ITPRID1: variants seen among roughly 807,000 people sequenced by gnomAD.
ITPRID1 encodes the protein ITPR interacting domain containing 1.
In ITPRID1, 96 loss-of-function variants were observed where a neutral mutation model predicts 95.4. The observed-to-expected ratio is 1.01, with a 90% confidence interval of 0.85 to 1.19. The LOEUF is 1.19. Among genes scored for constraint, ITPRID1 ranks in the 50% most tolerant of loss-of-function variants. The probability of loss-of-function intolerance (pLI) is 0.00; values close to 1 mark genes in which losing one functional copy is unlikely to be tolerated. For missense variants in ITPRID1, 1,339 were observed against 1,252.9 expected (o/e 1.07, Z -1.04); for synonymous variants, 510 against 453.6 (o/e 1.12, Z -1.58).
At chr7:31,537,299 C>T (rs1783793383) in intron 1 of ITPRID1, among the ~76,000 whole-genome samples, 1 of 152,042 alleles carries the variant, frequency 6.6e-6, no homozygotes, top group African/African-American at 2.4e-5. Context: ...GTATTAGACA[C>T]CCCACAATTG....
intron 12 of ITPRID1, among the ~76,000 whole-genome samples, chr7:31,650,930 A>G (rs1790886642): frequency 1.3e-5 from 2 of 152,062 alleles, no homozygotes; most frequent in African/African-American, 2.4e-5. Context: ...AGGCCACCCA[A>G]CAACAGCTGC....
downstream of ITPRID1, among the ~76,000 whole-genome samples, chr7:31,657,345 A>G (rs546036089): frequency 1.8e-4 from 28 of 152,218 alleles, no homozygotes; most frequent in Non-Finnish European, 3.7e-4. Context: ...AGTCCACCAG[A>G]GGAGTCCTGC....
intron 10 of ITPRID1, among the ~76,000 whole-genome samples, chr7:31,588,644 T>TAAAAAAAAAAAAAAA (rs1785728973): frequency 8.3e-5 from 2 of 24,122 alleles, no homozygotes; most frequent in Non-Finnish European, 9.7e-5. Context: ...AAAAAAAAAT[T>TAAAAAAAAAAAAAAA]AGAAGTCTTA....
chr7:31,564,140 G>A (rs368432367), intron 5 of ITPRID1, among the ~76,000 whole-genome samples: 1 of 152,170 alleles, frequency 6.6e-6, no homozygotes, highest in African/African-American at 2.4e-5. Context: ...AGCCAATAAA[G>A]GTGCTAATTA....
chr7:31,639,382 TC>T (rs1345208233), intron 10 of ITPRID1, among the ~76,000 whole-genome samples: 2 of 134,050 alleles, frequency 1.5e-5, no homozygotes, highest in Non-Finnish European at 3.1e-5. Flanking sequence ...GCTATATATA[TC>T]CAGTATAAAT....
At chr7:31,624,865 C>T (rs1788294897) in intron 10 of ITPRID1, among the ~76,000 whole-genome samples, 1 of 152,150 alleles carries the variant, frequency 6.6e-6, no homozygotes, top group Non-Finnish European at 1.5e-5. Context: ...ATTTTCGCAA[C>T]CTATTCATCT....
At chr7:31,516,154 A>G (rs1004287997) in intron 1 of ITPRID1, among the ~76,000 whole-genome samples, 3 of 152,220 alleles carry the variant, frequency 2.0e-5, no homozygotes, top group African/African-American at 7.2e-5. Flanking sequence ...AGGAAAGGAA[A>G]GAGAATAAGG....
intron 5 of ITPRID1, among the ~76,000 whole-genome samples, chr7:31,569,312 C>A (rs1381107674): frequency 2.6e-5 from 4 of 152,194 alleles, no homozygotes; most frequent in African/African-American, 9.7e-5. Flanking sequence ...TACTTCACAA[C>A]TTCCTGTACC....
chr7:31,628,314 G>A (rs1788663622), intron 10 of ITPRID1, among the ~76,000 whole-genome samples: 1 of 152,104 alleles, frequency 6.6e-6, no homozygotes, highest in Admixed American at 6.5e-5. Context: ...AGGTAACAGG[G>A]GCAAGGAAGG....
chr7:31,560,857 A>T (rs1368657472), intron 5 of ITPRID1, among the ~76,000 whole-genome samples: 1 of 152,200 alleles, frequency 6.6e-6, no homozygotes, highest in Non-Finnish European at 1.5e-5. Flanking sequence ...CCGGGAATAG[A>T]TATATACATT....
In ITPRID1 at chr7:31,643,605, A is replaced by G; in HGVS notation, c.2235A>G (p.Ala745=). The change falls in exon 12 of 15, where the codon GCA becomes GCG. Residue 745 remains alanine (A), a synonymous_variant. Coordinates refer to ENST00000615280, the MANE Select transcript of ITPRID1 (RefSeq NM_001257967.3). ...LECTVCDPVT[A]TETRLGTKAR... Reference sequence around the variant, plus strand: ...GCACTGTGTGTGATCCTGTTACCGCAACAGAAACAAGACTGGGGACAAAAG... The same window carrying G: ...GCACTGTGTGTGATCCTGTTACCGCGACAGAAACAAGACTGGGGACAAAAG... The G allele has an allele frequency of 6.2e-7, 1 of 1,614,012 alleles. No individual in the cohort carries two copies. Among genetic ancestry groups the G allele is most frequent in the Non-Finnish European group, 8.5e-7 (1 of 1,179,886 alleles).
intron 12 of ITPRID1, 114 bp from the exon 13 acceptor site, chr7:31,651,028 T>C (rs1790896615): frequency 8.7e-7 from 1 of 1,148,966 alleles, no homozygotes; most frequent in Admixed American, 2.3e-5. Flanking sequence ...ATATTAGCAG[T>C]AGGGCCTGTT....
rs1004054813 is a variant in ITPRID1, at chr7:31,578,348, CAGAAGG to C, written c.1089_1094del (p.Lys363_Glu364del). ...TGAGGGGTCAGTCAAGGGCAGAACT[CAGAAGG>C]AGAACTTATTTCAGACTAACAAGCT... On this transcript the variant is annotated inframe_deletion, in exon 9 of 15. Coordinates refer to ENST00000615280, the MANE Select transcript of ITPRID1 (RefSeq NM_001257967.3). 6 of 1,613,858 alleles carry C rather than the reference CAGAAGG, an allele frequency of 3.7e-6. No homozygotes were observed. In the Admixed American group the frequency reaches 8.3e-5, roughly 22 times the overall value.
At chr7:31,616,382 T>C (rs1247469240) in intron 10 of ITPRID1, among the ~76,000 whole-genome samples, 1 of 151,292 alleles carries the variant, frequency 6.6e-6, no homozygotes, top group Non-Finnish European at 1.5e-5. Context: ...TGTGCAGGTC[T>C]TAGAGTTTTG....
At chr7:31,614,395 G>A in intron 10 of ITPRID1, among the ~76,000 whole-genome samples, 1 of 152,080 alleles carries the variant, frequency 6.6e-6, no homozygotes, top group East Asian at 1.9e-4. Context: ...TCTCCATGCA[G>A]AGTTTCAGAT....
chr7:31,575,853 G>C (rs557919184), intron 8 of ITPRID1, among the ~76,000 whole-genome samples: 17 of 150,820 alleles, frequency 1.1e-4, no homozygotes, highest in African/African-American at 3.4e-4. Flanking sequence ...TTTTCAAGTA[G>C]GTAAAATGGG....
chr7:31,541,460 A>G (rs1209764183), intron 1 of ITPRID1, among the ~76,000 whole-genome samples: 1 of 152,224 alleles, frequency 6.6e-6, no homozygotes, highest in East Asian at 1.9e-4. Flanking sequence ...TTTATGGATG[A>G]CAAAAAGTTT....
intron 10 of ITPRID1, among the ~76,000 whole-genome samples, chr7:31,619,479 A>G (rs1270777970): frequency 2.0e-5 from 3 of 152,112 alleles, no homozygotes; most frequent in Admixed American, 6.5e-5. Context: ...AAAGCAGGTA[A>G]AGTTACTGTA....
intron 1 of ITPRID1, chr7:31,529,871 T>G: frequency 7.1e-7 from 1 of 1,410,898 alleles, no homozygotes; most frequent in Non-Finnish European, 9.7e-7. Flanking sequence ...TCCAGCCTGT[T>G]GGGGAGGGGT....
Sources: gnomAD v4.1 joint callset for allele counts (sites outside exome capture counted in the v4.1 genomes callset) on GRCh38, gnomAD v4.1.1 for gene constraint, MANE v1.5 for transcripts, NCBI Gene and HGNC (gene_info 2026-07-23, HGNC 2026-07-21) for gene names.